The following LRRC4C variants were observed in gnomAD, a reference collection of about 807,000 sequenced individuals.
LRRC4C encodes leucine-rich repeat-containing protein 4C.
Under a neutral mutation model 33.6 loss-of-function variants are expected in LRRC4C, and 5 were observed. The ratio of observed to expected loss-of-function variants is 0.15; its 90% CI spans 0.08 to 0.31. The LOEUF is 0.31. Ranked by LOEUF, LRRC4C falls within the 10% of genes least tolerant of loss-of-function variation. The pLI, the probability that LRRC4C is intolerant of heterozygous loss-of-function variation, is 1.00. For missense variants in LRRC4C, 560 were observed against 796.7 expected (o/e 0.70, Z 3.58); for synonymous variants, 329 against 302.0 (o/e 1.09, Z -0.93).
At chr11:40,812,612 G>A (rs1951537417) in intron 2 of LRRC4C, among the ~76,000 whole-genome samples, 1 of 151,974 alleles carries the variant, frequency 6.6e-6, no homozygotes. Context: ...ATAAGAATAG[G>A]AAAGATATTT....
At chr11:41,285,883 G>T (rs779110384) in intron 1 of LRRC4C, among the ~76,000 whole-genome samples, 1 of 151,852 alleles carries the variant, frequency 6.6e-6, no homozygotes, top group Non-Finnish European at 1.5e-5. Context: ...AGGCTGGAGC[G>T]CAGTGGCATG....
intron 1 of LRRC4C, among the ~76,000 whole-genome samples, chr11:41,041,122 C>G (rs529607641): frequency 6.6e-6 from 1 of 152,254 alleles, no homozygotes; most frequent in East Asian, 1.9e-4. Flanking sequence ...ATTTGAACTG[C>G]TTTTATATAT....
At chr11:40,469,621 T>C (rs990267557) in intron 3 of LRRC4C, among the ~76,000 whole-genome samples, 5 of 152,188 alleles carry the variant, frequency 3.3e-5, no homozygotes, top group Non-Finnish European at 5.9e-5. Flanking sequence ...CAGCAAACTA[T>C]GATCCACTGG....
intron 1 of LRRC4C, among the ~76,000 whole-genome samples, chr11:41,349,488 CAA>C (rs1951905701): frequency 2.0e-5 from 3 of 152,062 alleles, no homozygotes; most frequent in Admixed American, 1.3e-4. Context: ...AAAAAAACAA[CAA>C]CAAAAAACAT....
chr11:41,395,743 C>A (rs1398387646), intron 1 of LRRC4C, among the ~76,000 whole-genome samples: 1 of 151,930 alleles, frequency 6.6e-6, no homozygotes, highest in African/African-American at 2.4e-5. Context: ...TCCAACAAAT[C>A]AAAATGTTTT....
At chr11:40,683,099 A>G (rs948225190) in intron 2 of LRRC4C, among the ~76,000 whole-genome samples, 4 of 152,214 alleles carry the variant, frequency 2.6e-5, no homozygotes, top group African/African-American at 4.8e-5. Context: ...CTTTCCAGCT[A>G]TGTTCTTTCT....
rs186473788 is a variant in LRRC4C, at chr11:41,262,873, T to G, written c.-496+196558A>C. Among the ~76,000 whole-genome samples the G allele has an allele frequency of 2.1e-3, 323 of 152,252 alleles. 2 individuals carry two copies. The highest frequency in any genetic ancestry group is 7.4e-3 in the African/African-American group (308 of 41,558). ...CCAACAGTCATTGCTTACCTGAGAATTTAAGTGTTTTCCTCGGGGAGAATG... is the reference window on the plus strand; with the variant it reads ...CCAACAGTCATTGCTTACCTGAGAAGTTAAGTGTTTTCCTCGGGGAGAATG... On this transcript the variant is annotated intron_variant, in intron 1 of 6. Coordinates refer to ENST00000528697, the MANE Select transcript of LRRC4C (RefSeq NM_001258419.2).
intron 3 of LRRC4C, among the ~76,000 whole-genome samples, chr11:40,495,811 A>ATTTTTT (rs1565445743): frequency 1.9e-5 from 1 of 51,908 alleles, no homozygotes; most frequent in Non-Finnish European, 4.1e-5. Context: ...CTCAATAAAC[A>ATTTTTT]TGTTTTTTTT....
intron 2 of LRRC4C, among the ~76,000 whole-genome samples, chr11:40,900,692 C>G (rs1956161789): frequency 6.6e-6 from 1 of 151,758 alleles, no homozygotes; most frequent in Admixed American, 6.6e-5. Flanking sequence ...AAATAATGTT[C>G]ATTTCTTTTT....
chr11:41,423,693 A>G (rs1166825870), intron 1 of LRRC4C, among the ~76,000 whole-genome samples: 1 of 152,102 alleles, frequency 6.6e-6, no homozygotes, highest in Non-Finnish European at 1.5e-5. Context: ...AACAGTCCAT[A>G]CAGGACATAG....
At chr11:40,613,243 T>C (rs973286899) in intron 3 of LRRC4C, among the ~76,000 whole-genome samples, 1 of 151,916 alleles carries the variant, frequency 6.6e-6, no homozygotes, top group African/African-American at 2.4e-5. Flanking sequence ...ACAGAACTTA[T>C]GTGACTATTG....
rs187550219 is a variant in LRRC4C at position 41,431,184 on chromosome 11, A to C, written c.-496+28247T>G. Among the ~76,000 whole-genome samples, 113 of 152,248 alleles carry C rather than the reference A, an allele frequency of 7.4e-4. 1 individual carries two copies. In the East Asian group the frequency reaches 0.02, roughly 27 times the overall value. ...TTGCTTCATCCATTTACCTTTTAAA[A>C]ACATTCCTTGAGAATCTATTACATG... On this transcript the variant is annotated intron_variant, in intron 1 of 6. Coordinates refer to ENST00000528697, the MANE Select transcript of LRRC4C (RefSeq NM_001258419.2).
At chr11:40,454,900 T>C (rs1177353535) in intron 3 of LRRC4C, among the ~76,000 whole-genome samples, 1 of 152,124 alleles carries the variant, frequency 6.6e-6, no homozygotes, top group Non-Finnish European at 1.5e-5. Flanking sequence ...GTAATAAAGC[T>C]TACATGTGTT....
chr11:41,433,873 T>A (rs555524760), intron 1 of LRRC4C, among the ~76,000 whole-genome samples: 27 of 151,970 alleles, frequency 1.8e-4, no homozygotes, highest in African/African-American at 6.3e-4. Context: ...ATTCTGTCCC[T>A]CTAGAGCACT....
intron 4 of LRRC4C, among the ~76,000 whole-genome samples, chr11:40,271,278 T>C (rs1410059449): frequency 6.6e-6 from 1 of 152,162 alleles, no homozygotes; most frequent in Non-Finnish European, 1.5e-5. Flanking sequence ...TGCTTTGCCA[T>C]GTTTCCATCC....
intron 3 of LRRC4C, among the ~76,000 whole-genome samples, chr11:40,388,309 T>G (rs1368317916): frequency 2.0e-5 from 3 of 152,140 alleles, no homozygotes; most frequent in Non-Finnish European, 4.4e-5. Context: ...AGAGATTATG[T>G]CAATATCAAT....
Position 40,351,276 on chromosome 11 carries a change from AT to A in LRRC4C, c.-269-31556del, listed in dbSNP as rs34388007. 4.7e-3 allele frequency among the ~76,000 whole-genome samples: 683 copies of A among 146,332 alleles called. 1 individual carries two copies. The highest frequency in any genetic ancestry group is 0.011 in the African/African-American group (434 of 40,262). On this transcript the variant is annotated intron_variant, in intron 3 of 6. Coordinates refer to ENST00000528697, the MANE Select transcript of LRRC4C (RefSeq NM_001258419.2). ...GCTGCCAAATAAGATACTTGATATG[AT>A]TTTTTTTTTTTGAAATTTTAAAGAC...
At chr11:41,057,856 G>A (rs1858744629) in intron 1 of LRRC4C, among the ~76,000 whole-genome samples, 1 of 152,164 alleles carries the variant, frequency 6.6e-6, no homozygotes, top group Non-Finnish European at 1.5e-5. Flanking sequence ...CATCTGTCAG[G>A]ATGAATTGTG....
At chr11:41,011,822 A>ATATTATATTATAT (rs1855210566) in intron 1 of LRRC4C, among the ~76,000 whole-genome samples, 7 of 141,728 alleles carry the variant, frequency 4.9e-5, no homozygotes, top group Admixed American at 7.2e-5. Flanking sequence ...ATTCTATGTT[A>ATATTATATTATAT]TATATTATAT....
Sources: allele counts gnomAD v4.1 joint callset (sites outside exome capture counted in the v4.1 genomes callset), GRCh38; gene constraint gnomAD v4.1.1; transcripts MANE v1.5; gene names NCBI Gene and HGNC (gene_info 2026-07-23, HGNC 2026-07-21).